CA11: variants seen among roughly 807,000 people sequenced by gnomAD.
The protein encoded by CA11 is carbonic anhydrase 11 (inactive).
In CA11, 20 loss-of-function variants were observed where a neutral mutation model predicts 39.3. The ratio of observed to expected loss-of-function variants is 0.51; its 90% CI spans 0.36 to 0.74. CA11 has a LOEUF of 0.74. Among genes scored for constraint, CA11 ranks in the 30% least tolerant of loss-of-function variants. The pLI is 0.00. For synonymous variants in CA11, 166 were observed against 172.5 expected (o/e 0.96, Z 0.29); for missense variants, 336 against 424.6 (o/e 0.79, Z 1.83).
At chr19:48,642,464 A>G (rs1405738793) in intron 3 of CA11, among the ~76,000 whole-genome samples, 1 of 152,112 alleles carries the variant, frequency 6.6e-6, no homozygotes, top group Non-Finnish European at 1.5e-5. Context: ...ATTCCATTAC[A>G]CTCCAGCCTG....
intron 2 of CA11, among the ~76,000 whole-genome samples, chr19:48,645,059 G>A (rs1471194402): frequency 6.6e-6 from 1 of 151,804 alleles, no homozygotes; most frequent in Non-Finnish European, 1.5e-5. Flanking sequence ...TTAATGTGTT[G>A]GGGAGAGGAG....
chr19:48,644,614 G>A, intron 2 of CA11, 45 bp from the exon 3 acceptor site: 1 of 1,463,158 alleles, frequency 6.8e-7, no homozygotes, highest in Non-Finnish European at 9.1e-7. Flanking sequence ...CAGAAATAGA[G>A]ACTGGATCCC....
Position 48,641,823 on chromosome 19 carries a change from CTTTTTTT to C in CA11, c.286-1550_286-1544del, listed in dbSNP as rs71179023. On this transcript the variant is annotated intron_variant, in intron 3 of 8. Coordinates refer to ENST00000084798, the MANE Select transcript of CA11 (RefSeq NM_001217.5). ...CCATGCCCAACTAATTTTCAATTTT[CTTTTTTT>C]TTTTTTTTTTTTTTTGGTAGAGAGG... Among the ~76,000 whole-genome samples the C allele has an allele frequency of 7.0e-4, 65 of 92,296 alleles. 1 individual carries two copies. Among genetic ancestry groups the C allele is most frequent in the East Asian group, 9.5e-4 (3 of 3,146 alleles). The allele number at this position is 92,296 out of a possible 152,430, so 60.5% of individuals were successfully genotyped here.
intron 5 of CA11, 32 bp from the exon 6 acceptor site, chr19:48,639,653 G>A (rs749291748): frequency 1.9e-6 from 3 of 1,609,968 alleles, no homozygotes; most frequent in Admixed American, 1.7e-5. Context: ...GGACACAGGA[G>A]CCCAGAAGTC....
chr19:48,641,389 A>G (rs929379544), intron 3 of CA11, among the ~76,000 whole-genome samples: 1 of 152,256 alleles, frequency 6.6e-6, no homozygotes, highest in Non-Finnish European at 1.5e-5. Flanking sequence ...TGATTAACAA[A>G]TATTGACTGA....
chr19:48,645,674 C>T lies in CA11; in HGVS notation c.-42G>A. 6.9e-7 allele frequency: 1 copy of T among 1,449,138 alleles called. No individual in the cohort carries two copies. Among genetic ancestry groups the T allele is most frequent in the Non-Finnish European group, 9.2e-7 (1 of 1,088,286 alleles). The allele number at this position is 1,449,138 out of a possible 1,614,324, so 89.8% of individuals were successfully genotyped here. Reference sequence around the variant, plus strand: ...AGGGACCCCTGCCCAACGCCCTGCCCCCCTCTCTCAGCTCCTCTGTCCCCT... The same window carrying T: ...AGGGACCCCTGCCCAACGCCCTGCCTCCCTCTCTCAGCTCCTCTGTCCCCT... On this transcript the variant is annotated 5_prime_UTR_variant, in exon 1 of 9. Transcript: ENST00000084798.
In CA11 at chr19:48,638,155, GAGA is replaced by G; in HGVS notation, c.962-14_962-12del. On this transcript the variant is annotated splice_polypyrimidine_tract_variant and intron_variant, in intron 8 of 8. Coordinates refer to ENST00000084798, the MANE Select transcript of CA11 (RefSeq NM_001217.5). The stretch of plus-strand genomic sequence containing the variant: ...GGGGGACACCATCCACTGTAAGACA[GAGA>G]ACAACGGCAGGGGGCGTCAGTATAG... 1 of 910,996 alleles carries G rather than the reference GAGA, an allele frequency of 1.1e-6. No individual in the cohort carries two copies. The highest frequency in any genetic ancestry group is 1.5e-6 in the Non-Finnish European group (1 of 654,618). 56.4% of individuals were successfully genotyped at this position (910,996 alleles called of 1,614,324 possible).
rs758147051 is a variant in CA11, at chr19:48,638,092, G to A, written c.*27C>T. 6.9e-7 allele frequency: 1 copy of A among 1,454,024 alleles called. No individual in the cohort carries two copies. Among genetic ancestry groups the A allele is most frequent in the Non-Finnish European group, 9.1e-7 (1 of 1,101,966 alleles). The allele number at this position is 1,454,024 out of a possible 1,614,324, so 90.1% of individuals were successfully genotyped here. A position where few individuals can be genotyped will look rare whatever the true frequency, so the allele number is the denominator to read the frequency against. On this transcript the variant is annotated 3_prime_UTR_variant, in exon 9 of 9. Transcript: ENST00000084798. ...TCGCCTTGTGGGGAGGCTTAGGACG[G>A]GCGGGTGCAATCCTCGAAGGGGAGT...
rs955592228 is a variant in CA11, at chr19:48,638,040, ATAGCTTTGTTT to A, written c.*68_*78del. ...AAACAGGAAGTATTCTGTCCCTTTA[ATAGCTTTGTTT>A]TAGGGGTAACTCCCCTCGCCTTGTG... On this transcript the variant is annotated 3_prime_UTR_variant, in exon 9 of 9. Transcript: ENST00000084798. The A allele has an allele frequency of 9.4e-7, 1 of 1,068,372 alleles. No individual in the cohort carries two copies. Among genetic ancestry groups the A allele is most frequent in the Non-Finnish European group, 1.3e-6 (1 of 769,892 alleles). The allele number at this position is 1,068,372 out of a possible 1,614,324, so 66.2% of individuals were successfully genotyped here. A position where few individuals can be genotyped will look rare whatever the true frequency, so the allele number is the denominator to read the frequency against.
chr19:48,639,096 T>G, intron 7 of CA11, 43 bp from the exon 8 acceptor site: 1 of 1,609,668 alleles, frequency 6.2e-7, no homozygotes, highest in Non-Finnish European at 8.5e-7. Context: ...GAATAGTGAA[T>G]GGTCTTGGTG....
chr19:48,640,108 C>T lies in CA11; in HGVS notation c.458G>A (p.Gly153Asp). Residue 153 changes from glycine (G) to aspartate (D), a missense_variant, in exon 4 of 9, where the codon GGC becomes GAC. Physicochemically the swap from Gly to Asp is moderately conservative, Grantham distance 94. Coordinates refer to ENST00000084798, the MANE Select transcript of CA11 (RefSeq NM_001217.5). Reference protein sequence around the residue: ...AGSEHQINHQGFSAEVQLIHF... With the variant: ...AGSEHQINHQDFSAEVQLIHF... ...AGTGGCCACTACCTCAGCAGAGAAG[C>T]CCTGGTGGTTGATCTGATGTTCCGA... The T allele has an allele frequency of 6.2e-7, 1 of 1,613,476 alleles. No homozygotes were observed. Among genetic ancestry groups the T allele is most frequent in the Non-Finnish European group, 8.5e-7 (1 of 1,179,630 alleles).
Position 48,639,768 on chromosome 19 carries a change from T to C in CA11, c.567+20A>G, listed in dbSNP as rs2303147. ...CAGGCACCCAACTGCTCCCTCCCTC[T>C]GAATCTCGCCTCCGCTCACGTTGAC... On this transcript the variant is annotated intron_variant, in intron 5 of 8. Transcript: ENST00000084798. 0.84 allele frequency: 1,357,532 copies of C among 1,611,554 alleles called. 574,045 individuals are homozygous for C. Among genetic ancestry groups the C allele is most frequent in the Middle Eastern group, 0.87 (5,237 of 6,018 alleles).
At chr19:48,640,367 CTTTTT>C (rs11372081) in intron 3 of CA11, 87 bp from the exon 4 acceptor site, 495 of 323,840 alleles carry the variant, frequency 1.5e-3, no homozygotes, top group East Asian at 3.2e-3. Flanking sequence ...TTCCAACAGT[CTTTTT>C]TTTTTTTTTT....
chr19:48,638,385 G>T lies in CA11; in HGVS notation c.962-241C>A, dbSNP rs967686796. 42 of 355,558 alleles carry T rather than the reference G, an allele frequency of 1.2e-4. 2 individuals are homozygous for T. Among genetic ancestry groups the T allele is most frequent in the African/African-American group, 6.4e-4 (26 of 40,940 alleles). The allele number at this position is 355,558 out of a possible 1,614,324, so 22.0% of individuals were successfully genotyped here. On this transcript the variant is annotated intron_variant, in intron 8 of 8. Coordinates refer to ENST00000084798, the MANE Select transcript of CA11 (RefSeq NM_001217.5). ...CTTGAAGGTCTTCATGGGGGGGGGG[G>T]GGTGTGGACTGTACCATGTTGCGAA...
chr19:48,638,321 G>T, intron 8 of CA11, 177 bp from the exon 9 acceptor site: 1 of 1,047,420 alleles, frequency 9.5e-7, no homozygotes, highest in Non-Finnish European at 1.2e-6. Context: ...AATAGGAGGG[G>T]GGAATCGGGA....
At chr19:48,639,738 G>T (rs1232762464) in intron 5 of CA11, 50 bp downstream of exon 5, 23 of 1,595,658 alleles carry the variant, frequency 1.4e-5, no homozygotes, top group Non-Finnish European at 1.9e-5. Context: ...TCAGACCCCG[G>T]GTTCCAGGCA....
At position 48,639,418 on chromosome 19, in the gene CA11, A is replaced by G; in HGVS notation, c.682T>C (p.Phe228Leu). ...GTGATGAAGCCGAAGGATTCAGGGA[A>G]CAGGAGCTCCAGGCTCAGGTCTTGA... ...FLQDLSLELL[F>L]PESFGFITYQ... Residue 228 changes from phenylalanine (F) to leucine (L), a missense_variant, in exon 7 of 9, where the codon TTC (phenylalanine) becomes CTC (leucine). Physicochemically the swap from Phe to Leu is conservative, Grantham distance 22. Coordinates refer to ENST00000084798, the MANE Select transcript of CA11 (RefSeq NM_001217.5). 6.2e-7 allele frequency: 1 copy of G among 1,613,834 alleles called. No homozygotes were observed. Among genetic ancestry groups the G allele is most frequent in the Non-Finnish European group, 8.5e-7 (1 of 1,179,930 alleles).
At position 48,643,429 on chromosome 19, in the gene CA11, C is replaced by T. The variant is rs934515568; in HGVS notation, c.285+998G>A. Among the ~76,000 whole-genome samples the T allele has an allele frequency of 9.7e-5, 14 of 144,280 alleles. No homozygotes were observed. The highest frequency in any genetic ancestry group is 3.7e-4 in the African/African-American group (13 of 34,976). 94.7% of individuals were successfully genotyped at this position (144,280 alleles called of 152,430 possible). On this transcript the variant is annotated intron_variant, in intron 3 of 8. Coordinates refer to ENST00000084798, the MANE Select transcript of CA11 (RefSeq NM_001217.5). The surrounding 1 kb of genome is among the most constrained non-coding windows in gnomAD (Gnocchi z 4.3). ...TTCACCATGTTGGCCAGGCTGATCT[C>T]GAACTCCTAACCTCGTGATCCACCC...
Position 48,644,588 on chromosome 19 carries a change from T to C in CA11, c.143-19A>G. Reference sequence around the variant, plus strand: ...GGAGGCCCTGGGGGTGGGGTCGGAGTAGGAGGACAAGGAGTCAGAAATAGA... The same window carrying C: ...GGAGGCCCTGGGGGTGGGGTCGGAGCAGGAGGACAAGGAGTCAGAAATAGA... On this transcript the variant is annotated intron_variant, in intron 2 of 8. Coordinates refer to ENST00000084798, the MANE Select transcript of CA11 (RefSeq NM_001217.5). 1 of 1,541,850 alleles carries C rather than the reference T, an allele frequency of 6.5e-7. No individual in the cohort carries two copies. Among genetic ancestry groups the C allele is most frequent in the Non-Finnish European group, 8.8e-7 (1 of 1,140,040 alleles).
Sources: gnomAD v4.1 joint callset for allele counts (sites outside exome capture counted in the v4.1 genomes callset) on GRCh38, gnomAD v4.1.1 for gene constraint, Gnocchi (gnomAD v3.1) non-coding constraint, MANE v1.5 for transcripts, NCBI Gene and HGNC (gene_info 2026-07-23, HGNC 2026-07-21) for gene names.